The following NELFB variants were observed in gnomAD, a reference collection of about 807,000 sequenced individuals.
NELFB encodes the protein negative elongation factor complex member B, also known as negative elongation factor B.
Under a neutral mutation model 60.2 loss-of-function variants are expected in NELFB, and 34 were observed. The ratio of observed to expected loss-of-function variants is 0.56; its 90% CI spans 0.43 to 0.75. The LOEUF (loss-of-function observed/expected upper bound fraction) is 0.75, where lower values mean the gene tolerates loss of function less well. Ranked by LOEUF, NELFB falls within the 30% of genes least tolerant of loss-of-function variation. The pLI, the probability that NELFB is intolerant of heterozygous loss-of-function variation, is 0.00. For synonymous variants in NELFB, 459 were observed against 382.1 expected, an observed-to-expected ratio of 1.20 and a Z score of -2.35; for missense variants, 770 against 831.6, an observed-to-expected ratio of 0.93 and a Z score of 0.91.
chr9:137,270,280 CAAAAA>C (rs989557010), intron 10 of NELFB, among the ~76,000 whole-genome samples: 212 of 53,308 alleles, frequency 4.0e-3, no homozygotes, highest in African/African-American at 0.014. Context: ...GACTCCGTCT[CAAAAA>C]AAAAAAAAAA....
intron 10 of NELFB, 42 bp downstream of exon 10, chr9:137,267,388 G>T (rs750105991): frequency 1.0e-5 from 16 of 1,547,750 alleles, no homozygotes; most frequent in Non-Finnish European, 1.4e-5. Context: ...CTTCCCTGCG[G>T]CAGCTGCCGT....
In NELFB at chr9:137,260,456, TA is replaced by T. The variant is rs1467897869; in HGVS notation, c.742-2580del. On this transcript the variant is annotated intron_variant, in intron 4 of 12. Transcript: ENST00000343053. The stretch of plus-strand genomic sequence containing the variant: ...TGTTTTATTTTATTTTAGTTTGTTT[TA>T]TTTTTTTTTTTTTGAGACGTAGTGT... 4.5e-3 allele frequency among the ~76,000 whole-genome samples: 450 copies of T among 99,146 alleles called. 1 individual carries two copies. The highest frequency in any genetic ancestry group is 0.02 in the South Asian group (53 of 2,654). The allele number at this position is 99,146 out of a possible 152,430, so 65.0% of individuals were successfully genotyped here. A position where few individuals can be genotyped will look rare whatever the true frequency, so the allele number is the denominator to read the frequency against.
In NELFB at chr9:137,269,279, G is replaced by A. The variant is rs1246248728; in HGVS notation, c.1489+1933G>A. ...GCTGGAACGAATGACCACAGACAGT[G>A]GCATTAGACAGCGCAGGCAGACATG... On this transcript the variant is annotated intron_variant, in intron 10 of 12. Coordinates refer to ENST00000343053, the MANE Select transcript of NELFB (RefSeq NM_015456.5). This position sits in a 1 kb window ranked among gnomAD's most constrained non-coding sequence, Gnocchi z 5.3. Among the ~76,000 whole-genome samples the A allele has an allele frequency of 6.6e-6, 1 of 152,150 alleles. No individual in the cohort carries two copies. The highest frequency in any genetic ancestry group is 2.4e-5 in the African/African-American group (1 of 41,432).
chr9:137,267,294 C>T lies in NELFB; in HGVS notation c.1437C>T (p.His479=), dbSNP rs1830533063. The change falls in exon 10 of 13, where the codon CAC becomes CAT. Residue 479 remains histidine, a synonymous_variant. Coordinates refer to ENST00000343053, the MANE Select transcript of NELFB (RefSeq NM_015456.5). ...AGGTGGGGCTGTACTACGTCCTGCA[C>T]ATCACCAAGCAGAGGAACAAGAACG... 6.2e-7 allele frequency: 1 copy of T among 1,613,474 alleles called. No homozygotes were observed. Among genetic ancestry groups the T allele is most frequent in the South Asian group, 1.1e-5 (1 of 91,086 alleles).
rs543468223 is a variant in NELFB at position 137,269,667 on chromosome 9, G to C, written c.1489+2321G>C. 6.6e-6 allele frequency among the ~76,000 whole-genome samples: 1 copy of C among 152,268 alleles called. No individual in the cohort carries two copies. The highest frequency in any genetic ancestry group is 2.1e-4 in the South Asian group (1 of 4,838). ...TGCTGTGCAGGTGTCTAGCTCAGGG[G>C]CATGAGGCCATGGCCCAGCCCAGTG... On this transcript the variant is annotated intron_variant, in intron 10 of 12. Coordinates refer to ENST00000343053, the MANE Select transcript of NELFB (RefSeq NM_015456.5). The surrounding 1 kb of genome is among the most constrained non-coding windows in gnomAD (Gnocchi z 5.3).
intron 10 of NELFB, among the ~76,000 whole-genome samples, chr9:137,268,459 G>A (rs147191759): frequency 6.6e-6 from 1 of 152,316 alleles, no homozygotes; most frequent in East Asian, 1.9e-4. Context: ...GGTGGTGGGT[G>A]CCTGTAATCT....
Position 137,272,194 on chromosome 9 carries a change from G to C in NELFB, c.1603G>C (p.Asp535His). 2 of 1,614,128 alleles carry C rather than the reference G, an allele frequency of 1.2e-6. No homozygotes were observed. The highest frequency in any genetic ancestry group is 1.7e-6 in the Non-Finnish European group (2 of 1,180,018). The change falls in exon 11 of 13, where the codon GAT (aspartate) becomes CAT (histidine). Residue 535 changes from aspartate (D) to histidine (H), a missense_variant. Coordinates refer to ENST00000343053, the MANE Select transcript of NELFB (RefSeq NM_015456.5). Reference sequence around the variant, plus strand: ...TGAGGACTTCTGCAGCAGCCTCTTCGATGGCTTCTTCCTCACCGCCTCTCC... The same window carrying C: ...TGAGGACTTCTGCAGCAGCCTCTTCCATGGCTTCTTCCTCACCGCCTCTCC...
rs1017019301 is a variant in NELFB, at chr9:137,255,352, G to A, written c.-14G>A. ...GGCTGCGGGACGCGCGCGGAGTCGC[G>A]CGGCGGGCGGGACCTGGCCGAGCTG... On this transcript the variant is annotated 5_prime_UTR_variant, in exon 1 of 13. Transcript: ENST00000343053. 4.8e-6 allele frequency: 2 copies of A among 416,526 alleles called. No individual in the cohort carries two copies. Among genetic ancestry groups the A allele is most frequent in the Non-Finnish European group, 7.7e-6 (2 of 258,232 alleles). The allele number at this position is 416,526 out of a possible 1,614,324, so 25.8% of individuals were successfully genotyped here.
intron 10 of NELFB, 103 bp from the exon 11 acceptor site, chr9:137,271,978 T>C (rs1192220233): frequency 1.8e-5 from 26 of 1,462,630 alleles, no homozygotes; most frequent in Non-Finnish European, 2.4e-5. Context: ...AGAACTCTCA[T>C]GTGAGCACCC....
At chr9:137,272,016 G>A (rs1830589576) in intron 10 of NELFB, 65 bp from the exon 11 acceptor site, 1 of 1,600,712 alleles carries the variant, frequency 6.2e-7, no homozygotes, top group South Asian at 1.1e-5. Flanking sequence ...GGTCTTTGAG[G>A]ACAAGGGTGC....
chr9:137,256,260 G>C (rs962682168), intron 2 of NELFB, 69 bp from the exon 3 acceptor site: 1 of 1,486,836 alleles, frequency 6.7e-7, no homozygotes, highest in Non-Finnish European at 9.4e-7. Context: ...TGTTATCTGT[G>C]TAGGGACAGG....
chr9:137,261,112 G>T lies in NELFB; in HGVS notation c.742-1925G>T, dbSNP rs189225088. On this transcript the variant is annotated intron_variant, in intron 4 of 12. Transcript: ENST00000343053. ...AATCCCAGCACTTTGGGAGGCCGAGGCGGGTGGATCATGAGGTCAGGAGAT... is the reference window on the plus strand; with the variant it reads ...AATCCCAGCACTTTGGGAGGCCGAGTCGGGTGGATCATGAGGTCAGGAGAT... Among the ~76,000 whole-genome samples the T allele has an allele frequency of 3.3e-3, 508 of 151,766 alleles. 1 individual carries two copies. Among genetic ancestry groups the T allele is most frequent in the African/African-American group, 0.012 (482 of 41,358 alleles).
In NELFB at chr9:137,266,369, G is replaced by T; in HGVS notation, c.1182G>T (p.Ala394=). ...TCCTGCTGCTGCTCCGGCTGCTGGC[G>T]CTGGGCCAGGGAGCCTGGGACATGA... Residue 394 remains alanine (A), a synonymous_variant, in exon 8 of 13, where the codon GCG becomes GCT. Transcript: ENST00000343053. The T allele has an allele frequency of 6.2e-7, 1 of 1,612,962 alleles. No individual in the cohort carries two copies. Among genetic ancestry groups the T allele is most frequent in the Non-Finnish European group, 8.5e-7 (1 of 1,179,988 alleles).
intron 5 of NELFB, 25 bp downstream of exon 5, chr9:137,263,247 C>G (rs1830475902): frequency 6.3e-7 from 1 of 1,588,756 alleles, no homozygotes; most frequent in Non-Finnish European, 8.6e-7. Context: ...CCTCCTTCCC[C>G]CCTACCCTCC....
intron 3 of NELFB, 45 bp from the exon 4 acceptor site, chr9:137,256,779 C>G: frequency 1.9e-6 from 3 of 1,588,880 alleles, no homozygotes; most frequent in Non-Finnish European, 2.6e-6. Context: ...GAAGGAGACC[C>G]AGGGACACAG....
At chr9:137,267,469 C>A in intron 10 of NELFB, 123 bp downstream of exon 10, 59 of 638,014 alleles carry the variant, frequency 9.2e-5, no homozygotes, top group Non-Finnish European at 1.5e-4. Flanking sequence ...CCACCTCCAA[C>A]TTTGCTAGCT....
intron 5 of NELFB, 22 bp downstream of exon 5, chr9:137,263,244 C>T (rs542429231): frequency 1.0e-5 from 16 of 1,589,002 alleles, no homozygotes; most frequent in South Asian, 6.6e-5. Flanking sequence ...CTCCCTCCTT[C>T]CCCCCTACCC....
chr9:137,262,594 C>G (rs1021733403), intron 4 of NELFB, among the ~76,000 whole-genome samples: 1 of 152,352 alleles, frequency 6.6e-6, no homozygotes, highest in East Asian at 1.9e-4. Context: ...TGATCTATAT[C>G]TAATATAACT....
intron 5 of NELFB, 49 bp downstream of exon 5, chr9:137,263,271 G>GCCCTCCCT: frequency 6.6e-7 from 1 of 1,505,446 alleles, no homozygotes; most frequent in South Asian, 1.2e-5. Context: ...AGGTAGTGCT[G>GCCCTCCCT]CCCTCCCTCC....
Sources: gnomAD v4.1 joint callset for allele counts (sites outside exome capture counted in the v4.1 genomes callset) on GRCh38, gnomAD v4.1.1 for gene constraint, Gnocchi (gnomAD v3.1) non-coding constraint, MANE v1.5 for transcripts, NCBI Gene and HGNC (gene_info 2026-07-23, HGNC 2026-07-21) for gene names.